PTPRN2: variants seen among roughly 807,000 people sequenced by gnomAD.
PTPRN2 encodes receptor-type tyrosine-protein phosphatase N2.
PTPRN2 carries 74 observed loss-of-function variants against 118.8 expected under a neutral mutation model. The ratio of observed to expected loss-of-function variants is 0.62; its 90% CI spans 0.52 to 0.76. The LOEUF (loss-of-function observed/expected upper bound fraction) is 0.76, where lower values mean the gene tolerates loss of function less well. Ranked by LOEUF, PTPRN2 falls within the 30% of genes least tolerant of loss-of-function variation. The pLI is 0.00. For synonymous variants in PTPRN2, 641 were observed against 608.0 expected (o/e 1.05, Z -0.80); for missense variants, 1,481 against 1,394.4 (o/e 1.06, Z -0.99).
intron 10 of PTPRN2, among the ~76,000 whole-genome samples, chr7:158,110,512 G>A (rs566566075): frequency 2.0e-4 from 31 of 152,266 alleles, no homozygotes; most frequent in Non-Finnish European, 3.2e-4. Flanking sequence ...CTCTGGGGTG[G>A]GCCCTCCAGA....
At chr7:158,275,779 G>A (rs981158230) in intron 3 of PTPRN2, among the ~76,000 whole-genome samples, 1 of 152,146 alleles carries the variant, frequency 6.6e-6, no homozygotes, top group African/African-American at 2.4e-5. Flanking sequence ...AAGAAGAGTT[G>A]CAGTGATGGG....
intron 3 of PTPRN2, among the ~76,000 whole-genome samples, chr7:158,292,913 CAAAA>C (rs953400920): frequency 2.6e-5 from 4 of 151,956 alleles, no homozygotes; most frequent in Non-Finnish European, 5.9e-5. Flanking sequence ...ACTAAAAATA[CAAAA>C]ATTAGCCTGG....
At chr7:157,739,898 C>T (rs1800522653) in intron 12 of PTPRN2, among the ~76,000 whole-genome samples, 1 of 152,218 alleles carries the variant, frequency 6.6e-6, no homozygotes, top group Non-Finnish European at 1.5e-5. Flanking sequence ...CATGGCTCCC[C>T]AGCAAGACAG....
chr7:158,377,341 C>G (rs1011098413), intron 2 of PTPRN2, among the ~76,000 whole-genome samples: 2 of 152,216 alleles, frequency 1.3e-5, no homozygotes, highest in African/African-American at 4.8e-5. Flanking sequence ...CAATTAGGTG[C>G]GTGTGTGTTA....
intron 8 of PTPRN2, among the ~76,000 whole-genome samples, chr7:158,134,263 G>A (rs932760126): frequency 6.6e-6 from 1 of 152,088 alleles, no homozygotes; most frequent in Non-Finnish European, 1.5e-5. Flanking sequence ...CTGAGTATCC[G>A]AATCACTTAC....
chr7:158,321,750 G>A (rs1483936943), intron 2 of PTPRN2, among the ~76,000 whole-genome samples: 1 of 151,940 alleles, frequency 6.6e-6, no homozygotes. Flanking sequence ...CTGTCCACCC[G>A]TCCTTGGCTA....
chr7:157,789,296 G>A (rs866977696), intron 12 of PTPRN2, among the ~76,000 whole-genome samples: 6 of 152,272 alleles, frequency 3.9e-5, no homozygotes, highest in African/African-American at 1.4e-4. Flanking sequence ...GCCCGGTGCC[G>A]CTGGCTTCTA....
chr7:157,999,373 G>A (rs530322259), intron 11 of PTPRN2, among the ~76,000 whole-genome samples: 2 of 152,282 alleles, frequency 1.3e-5, no homozygotes, highest in South Asian at 2.1e-4. Context: ...TGTGCTGCCC[G>A]AATTTCTCAC....
At chr7:158,251,339 A>G (rs1219883636) in intron 3 of PTPRN2, among the ~76,000 whole-genome samples, 4 of 152,166 alleles carry the variant, frequency 2.6e-5, no homozygotes, top group Non-Finnish European at 5.9e-5. Context: ...CGGATATGAT[A>G]CATGTGCATG....
intron 15 of PTPRN2, among the ~76,000 whole-genome samples, chr7:157,606,764 T>C (rs936442531): frequency 6.6e-6 from 1 of 152,250 alleles, no homozygotes; most frequent in African/African-American, 2.4e-5. Flanking sequence ...TCTTTCATTT[T>C]TCTTGGAGAT....
At chr7:158,215,663 CAG>C (rs1827904219) in intron 3 of PTPRN2, among the ~76,000 whole-genome samples, 1 of 152,074 alleles carries the variant, frequency 6.6e-6, no homozygotes, top group African/African-American at 2.4e-5. Flanking sequence ...ATTCAAATGA[CAG>C]GGGATTTCTT....
At chr7:157,649,077 G>T (rs200583527) in intron 14 of PTPRN2, among the ~76,000 whole-genome samples, 168 of 115,782 alleles carry the variant, frequency 1.5e-3, no homozygotes, top group East Asian at 3.4e-3. Context: ...CGGTGGGTCA[G>T]ACCCATTCAC....
At chr7:157,910,135 T>C (rs1418647499) in intron 11 of PTPRN2, among the ~76,000 whole-genome samples, 1 of 152,250 alleles carries the variant, frequency 6.6e-6, no homozygotes, top group African/African-American at 2.4e-5. Context: ...CATGATTCTC[T>C]TCCAATACCG....
At chr7:158,488,706 G>A (rs1183834034) in intron 2 of PTPRN2, among the ~76,000 whole-genome samples, 1 of 152,246 alleles carries the variant, frequency 6.6e-6, no homozygotes, top group Non-Finnish European at 1.5e-5. Flanking sequence ...TCTGTGCAGA[G>A]ATTAGTGGGT....
chr7:158,193,404 G>A (rs886328257), intron 4 of PTPRN2, among the ~76,000 whole-genome samples: 5 of 152,190 alleles, frequency 3.3e-5, no homozygotes, highest in Non-Finnish European at 5.9e-5. Flanking sequence ...GCAGCCACAC[G>A]GAAAGGAAGA....
At chr7:158,435,728 A>T (rs920433982) in intron 2 of PTPRN2, among the ~76,000 whole-genome samples, 1 of 152,238 alleles carries the variant, frequency 6.6e-6, no homozygotes, top group Non-Finnish European at 1.5e-5. Flanking sequence ...TAGACAATGA[A>T]ACATTACTCA....
chr7:157,972,882 G>C (rs1341242562), intron 11 of PTPRN2, among the ~76,000 whole-genome samples: 1 of 146,192 alleles, frequency 6.8e-6, no homozygotes, highest in Non-Finnish European at 1.5e-5. Flanking sequence ...CGAGAACAGG[G>C]CTTCAGAGAC....
chr7:157,971,908 T>G (rs959879352), intron 11 of PTPRN2, among the ~76,000 whole-genome samples: 3 of 152,184 alleles, frequency 2.0e-5, no homozygotes, highest in Non-Finnish European at 4.4e-5. Context: ...TATTAAACAC[T>G]CCAGTGAAAG....
intron 17 of PTPRN2, among the ~76,000 whole-genome samples, chr7:157,581,961 G>A (rs951811994): frequency 5.3e-5 from 8 of 152,228 alleles, no homozygotes; most frequent in African/African-American, 1.9e-4. Flanking sequence ...ACCCCTCATG[G>A]CAGGCGGCCA....
Sources: allele counts gnomAD v4.1 joint callset (sites outside exome capture counted in the v4.1 genomes callset), GRCh38; gene constraint gnomAD v4.1.1; transcripts MANE v1.5; gene names NCBI Gene and HGNC (gene_info 2026-07-23, HGNC 2026-07-21).